The following CAST variants were observed in gnomAD, a reference collection of about 807,000 sequenced individuals.
CAST encodes the protein calpastatin, also known as MIR583 host.
A neutral mutation model predicts 119.6 loss-of-function variants in CAST; 76 were observed. That is an observed-to-expected ratio of 0.64 (90% CI 0.53 to 0.77). The LOEUF (loss-of-function observed/expected upper bound fraction) is 0.77, where lower values mean the gene tolerates loss of function less well. CAST is among the 30% of genes least tolerant of loss of function. The pLI is 0.00. For missense variants in CAST, 953 were observed against 946.5 expected (o/e 1.01, Z -0.09); for synonymous variants, 319 against 331.6 (o/e 0.96, Z 0.41).
chr5:96,635,862 G>C (rs1747877942), intron 1 of CAST, among the ~76,000 whole-genome samples: 2 of 152,126 alleles, frequency 1.3e-5, no homozygotes, highest in Non-Finnish European at 2.9e-5. Context: ...AATTTAGATG[G>C]CTTCTTTCTA....
chr5:96,129,901 G>T, the CAST span, among the ~76,000 whole-genome samples: 780 of 152,020 alleles, frequency 5.1e-3, 9 homozygotes, highest in Admixed American at 9.8e-3. Context: ...TTTACCCAGA[G>T]TGTGGTATTT....
the CAST span, among the ~76,000 whole-genome samples, chr5:96,076,908 A>G: frequency 6.6e-6 from 1 of 151,496 alleles, no homozygotes; most frequent in Non-Finnish European, 1.5e-5. Context: ...TCCCAATATG[A>G]TATATATTTT....
chr5:96,062,998 C>G, the CAST span, among the ~76,000 whole-genome samples: 4 of 152,046 alleles, frequency 2.6e-5, no homozygotes, highest in Non-Finnish European at 5.9e-5. Flanking sequence ...CCAGCTGCCC[C>G]ACTAACACCT....
chr5:96,402,526 C>T, the CAST span, among the ~76,000 whole-genome samples: 5 of 152,090 alleles, frequency 3.3e-5, no homozygotes, highest in Non-Finnish European at 4.4e-5. Context: ...TCTCTTGGTC[C>T]CTCCCCGCCT....
In CAST at chr5:96,732,696, A is replaced by G. The variant is rs544978278; in HGVS notation, c.630+1836A>G. ...ACAAGCAATGGGGAAAGGATTCCCT[A>G]TTTAATAAATGGTGCTGGGAAAACT... On this transcript the variant is annotated intron_variant, in intron 9 of 31. Coordinates refer to ENST00000675179, the MANE Select transcript of CAST (RefSeq NM_001750.7). Among the ~76,000 whole-genome samples, 7 of 152,248 alleles carry G rather than the reference A, an allele frequency of 4.6e-5. 1 individual carries two copies. The highest frequency in any genetic ancestry group is 1.7e-4 in the African/African-American group (7 of 41,538).
At chr5:96,027,151 A>G in the CAST span, among the ~76,000 whole-genome samples, 2 of 152,164 alleles carry the variant, frequency 1.3e-5, no homozygotes, top group Non-Finnish European at 2.9e-5. Context: ...ACTGTACTCC[A>G]CAGCCTGGAT....
At chr5:96,444,805 G>GT in the CAST span, among the ~76,000 whole-genome samples, 27 of 152,024 alleles carry the variant, frequency 1.8e-4, no homozygotes, top group African/African-American at 4.1e-4. Flanking sequence ...CCACTATGGT[G>GT]TTTTTTCCCC....
chr5:96,594,157 G>T (rs1185250095), intron 1 of CAST, among the ~76,000 whole-genome samples: 1 of 152,204 alleles, frequency 6.6e-6, no homozygotes, highest in Non-Finnish European at 1.5e-5. Context: ...TTCTCTGAAT[G>T]CATAAAGAAA....
the CAST span, chr5:96,079,310 A>G: frequency 1.2e-5 from 4 of 322,218 alleles, no homozygotes; most frequent in South Asian, 5.3e-5. Flanking sequence ...TCATTTGGCT[A>G]TTTTCTCTTG....
the CAST span, among the ~76,000 whole-genome samples, chr5:96,395,915 A>G: frequency 2.0e-5 from 3 of 152,252 alleles, no homozygotes; most frequent in Non-Finnish European, 4.4e-5. Context: ...AGGCTCAACA[A>G]TTATAAATAA....
chr5:96,461,895 C>T, the CAST span, among the ~76,000 whole-genome samples: 1 of 152,106 alleles, frequency 6.6e-6, no homozygotes, highest in East Asian at 1.9e-4. Flanking sequence ...CTCCATTTGC[C>T]TGAGCATGAC....
chr5:96,487,898 T>C, the CAST span, among the ~76,000 whole-genome samples: 6 of 152,348 alleles, frequency 3.9e-5, no homozygotes, highest in African/African-American at 1.4e-4. Flanking sequence ...TATGCCATTA[T>C]ACATTAGGAA....
chr5:96,046,992 G>A, the CAST span, among the ~76,000 whole-genome samples: 2 of 152,124 alleles, frequency 1.3e-5, no homozygotes, highest in Non-Finnish European at 2.9e-5. Context: ...TGGGAATTCT[G>A]GGAGATATAA....
the CAST span, chr5:96,049,987 A>T: frequency 2.0e-5 from 3 of 151,234 alleles, no homozygotes; most frequent in Admixed American, 2.0e-4. Context: ...AGAAGGAATT[A>T]TAAGACAAGA....
the CAST span, among the ~76,000 whole-genome samples, chr5:96,351,635 C>T: frequency 2.0e-5 from 3 of 151,968 alleles, no homozygotes; most frequent in Non-Finnish European, 2.9e-5. Flanking sequence ...ACCTGTATTA[C>T]GTATCTGGAG....
At chr5:96,200,314 T>C in the CAST span, among the ~76,000 whole-genome samples, 5 of 152,276 alleles carry the variant, frequency 3.3e-5, no homozygotes, top group South Asian at 4.1e-4. Context: ...CTCCTCTCTA[T>C]AGATATGTCT....
At chr5:96,605,823 G>A (rs1008741013) in intron 1 of CAST, among the ~76,000 whole-genome samples, 2 of 152,182 alleles carry the variant, frequency 1.3e-5, no homozygotes, top group Non-Finnish European at 2.9e-5. Flanking sequence ...TTGTTAAACA[G>A]TGGACTATAG....
chr5:96,651,877 C>T (rs189971533), intron 1 of CAST, among the ~76,000 whole-genome samples: 5 of 152,290 alleles, frequency 3.3e-5, no homozygotes, highest in Admixed American at 2.6e-4. Context: ...ATTTCATTTA[C>T]TCTCAGTGAA....
At chr5:96,265,479 A>G in the CAST span, among the ~76,000 whole-genome samples, 1 of 152,146 alleles carries the variant, frequency 6.6e-6, no homozygotes, top group Non-Finnish European at 1.5e-5. Context: ...TAAAGGCCTT[A>G]GAGAACCAGG....
Sources: allele counts gnomAD v4.1 joint callset (sites outside exome capture counted in the v4.1 genomes callset), GRCh38; gene constraint gnomAD v4.1.1; transcripts MANE v1.5; gene names NCBI Gene and HGNC (gene_info 2026-07-23, HGNC 2026-07-21).